Variants in FRMD6 observed in about 807,000 individuals in gnomAD.
FRMD6 encodes FERM domain containing 6, also known as FERM domain-containing protein 6.
In FRMD6, 37 loss-of-function variants were observed where a neutral mutation model predicts 73.2. That is an observed-to-expected ratio of 0.51 (90% CI 0.39 to 0.66). The LOEUF is 0.66. Ranked by LOEUF, FRMD6 falls within the 30% of genes least tolerant of loss-of-function variation. The pLI is 0.00. For missense variants in FRMD6, 714 were observed against 780.5 expected (o/e 0.91, Z 1.02); for synonymous variants, 273 against 282.2 (o/e 0.97, Z 0.33).
Position 51,702,511 on chromosome 14 carries a change from G to A in FRMD6, c.295-1G>A, listed in dbSNP as rs1292694977. 6.2e-7 allele frequency: 1 copy of A among 1,610,618 alleles called. No homozygotes were observed. Among genetic ancestry groups the A allele is most frequent in the Non-Finnish European group, 8.5e-7 (1 of 1,177,822 alleles). On this transcript the variant is annotated splice_acceptor_variant, in intron 4 of 13. Transcript: ENST00000344768. LOFTEE classifies it high-confidence loss of function. ...ATTTTTGTGTGTGCTTTTGTTTCTA[G>A]GGTATCGACCAATTTGGGCCTCCTA...
chr14:51,638,950 G>A (rs1891697360), intron 2 of FRMD6, among the ~76,000 whole-genome samples: 1 of 151,656 alleles, frequency 6.6e-6, no homozygotes, highest in African/African-American at 2.4e-5. Flanking sequence ...GAATCAGTTT[G>A]AGCAGGGACA....
chr14:51,509,627 T>G (rs1218313377), intron 1 of FRMD6, among the ~76,000 whole-genome samples: 1 of 152,210 alleles, frequency 6.6e-6, no homozygotes, highest in Non-Finnish European at 1.5e-5. Context: ...GTATATACTT[T>G]ATTTATGTAT....
chr14:51,590,965 C>T (rs1250019520), intron 2 of FRMD6, among the ~76,000 whole-genome samples: 2 of 152,206 alleles, frequency 1.3e-5, no homozygotes, highest in Non-Finnish European at 2.9e-5. Flanking sequence ...ACCTGCTCAG[C>T]CTGGATTCTA....
chr14:51,577,816 G>A (rs1177369389), intron 2 of FRMD6, among the ~76,000 whole-genome samples: 1 of 152,158 alleles, frequency 6.6e-6, no homozygotes, highest in Admixed American at 6.5e-5. Context: ...TGTACTTTAA[G>A]TTCTGGGATA....
chr14:51,497,512 A>G (rs1312789529), intron 1 of FRMD6, among the ~76,000 whole-genome samples: 1 of 152,158 alleles, frequency 6.6e-6, no homozygotes, highest in East Asian at 1.9e-4. Context: ...TAATGTTACA[A>G]TAGAAATATA....
intron 1 of FRMD6, among the ~76,000 whole-genome samples, chr14:51,494,886 C>A (rs151071574): frequency 2.4e-4 from 36 of 152,324 alleles, no homozygotes; most frequent in African/African-American, 8.7e-4. Flanking sequence ...CTATCGTTGT[C>A]ATTTGGCCAC....
the FRMD6 span, among the ~76,000 whole-genome samples, chr14:51,450,223 A>G: frequency 6.6e-6 from 1 of 152,236 alleles, no homozygotes; most frequent in Non-Finnish European, 1.5e-5. Flanking sequence ...TATCACTACC[A>G]TCTTCTCTTA....
chr14:51,695,452 AATG>A (rs1895880183), intron 2 of FRMD6, among the ~76,000 whole-genome samples: 1 of 152,130 alleles, frequency 6.6e-6, no homozygotes, highest in Admixed American at 6.6e-5. Context: ...ACACAAAGAG[AATG>A]ATAATGATTC....
chr14:51,644,391 ACTCACTCT>A (rs1269056377), intron 2 of FRMD6, among the ~76,000 whole-genome samples: 40 of 120,866 alleles, frequency 3.3e-4, no homozygotes, highest in African/African-American at 1.1e-3. Flanking sequence ...ACACACACTC[ACTCACTCT>A]CTCTCTCTCT....
chr14:51,471,846 G>A, the FRMD6 span, among the ~76,000 whole-genome samples: 3 of 152,072 alleles, frequency 2.0e-5, no homozygotes. Flanking sequence ...GAAAACAAGA[G>A]GAGAAAATTA....
the FRMD6 span, among the ~76,000 whole-genome samples, chr14:51,463,616 C>A: frequency 6.6e-6 from 1 of 152,308 alleles, no homozygotes; most frequent in Middle Eastern, 3.4e-3. Flanking sequence ...AAGGCCAGAA[C>A]CTCTTAGGAA....
the FRMD6 span, among the ~76,000 whole-genome samples, chr14:51,405,266 A>T: frequency 6.6e-6 from 1 of 152,096 alleles, no homozygotes; most frequent in Admixed American, 6.6e-5. Context: ...TGGTAGAATG[A>T]TTTATATTCT....
At chr14:51,655,271 A>C (rs997424332) in intron 1 of FRMD6, among the ~76,000 whole-genome samples, 2 of 152,200 alleles carry the variant, frequency 1.3e-5, no homozygotes, top group Non-Finnish European at 2.9e-5. Context: ...GCACACATTA[A>C]AATTATGTAT....
the FRMD6 span, among the ~76,000 whole-genome samples, chr14:51,402,632 T>C: frequency 1.8e-5 from 2 of 110,376 alleles, no homozygotes; most frequent in Non-Finnish European, 3.7e-5. Flanking sequence ...GTATATCTTT[T>C]TTTCTTTTCT....
chr14:51,560,647 G>A lies in FRMD6; in HGVS notation c.-209-9701G>A, dbSNP rs1020227271. On this transcript the variant is annotated intron_variant, in intron 1 of 14. Transcript: ENST00000356218. ...TTACAGGCATGTGCCACCATACCCG[G>A]CTAATTTTTGTATTTTAGTAGAGAC... Among the ~76,000 whole-genome samples the A allele has an allele frequency of 3.3e-5, 5 of 152,256 alleles. No individual in the cohort carries two copies. In the East Asian group the frequency reaches 5.8e-4, roughly 18 times the overall value.
intron 1 of FRMD6, among the ~76,000 whole-genome samples, chr14:51,544,623 T>C (rs1197221832): frequency 6.6e-6 from 1 of 151,998 alleles, no homozygotes; most frequent in Non-Finnish European, 1.5e-5. Flanking sequence ...GTCTATTATC[T>C]AGTGAACTCT....
chr14:51,454,349 A>G, the FRMD6 span, among the ~76,000 whole-genome samples: 2 of 152,320 alleles, frequency 1.3e-5, no homozygotes, highest in African/African-American at 4.8e-5. Context: ...CAAAGACCAA[A>G]TTACCACTTC....
the FRMD6 span, among the ~76,000 whole-genome samples, chr14:51,405,392 A>G: frequency 1.3e-5 from 2 of 152,168 alleles, no homozygotes; most frequent in African/African-American, 2.4e-5. Flanking sequence ...TACTTTCATC[A>G]ACTGTGTATA....
intron 1 of FRMD6, among the ~76,000 whole-genome samples, chr14:51,545,843 C>T (rs1413269954): frequency 6.6e-6 from 1 of 151,910 alleles, no homozygotes; most frequent in Non-Finnish European, 1.5e-5. Flanking sequence ...TTACTAGCAG[C>T]ATACAAGGGA....
Sources: allele counts gnomAD v4.1 joint callset (sites outside exome capture counted in the v4.1 genomes callset), GRCh38; gene constraint gnomAD v4.1.1; transcripts MANE v1.5; gene names NCBI Gene and HGNC (gene_info 2026-07-23, HGNC 2026-07-21).